Variants in SLC4A5 observed in about 807,000 individuals in gnomAD.
SLC4A5 encodes the protein electrogenic sodium bicarbonate cotransporter 4.
Under a neutral mutation model 120.4 loss-of-function variants are expected in SLC4A5, and 96 were observed. That is an observed-to-expected ratio of 0.80 (90% CI 0.68 to 0.94). SLC4A5 has a LOEUF of 0.94. Among genes scored for constraint, SLC4A5 ranks in the 40% least tolerant of loss-of-function variants. The pLI, the probability that SLC4A5 is intolerant of heterozygous loss-of-function variation, is 0.00. For synonymous variants in SLC4A5, 550 were observed against 571.1 expected, an observed-to-expected ratio of 0.96 and a Z score of 0.53; for missense variants, 1,259 against 1,459.5, an observed-to-expected ratio of 0.86 and a Z score of 2.24.
chr2:74,261,996 AAGTT>A (rs1671151286), intron 11 of SLC4A5, 137 bp downstream of exon 11: 1 of 672,854 alleles, frequency 1.5e-6, no homozygotes, highest in Non-Finnish European at 2.5e-6. Context: ...TTTAGAGTGA[AAGTT>A]AGGCTCCTCC....
chr2:74,217,464 T>C (rs1694481966), exon 31 of SLC4A5: 1 of 152,216 alleles, frequency 6.6e-6, no homozygotes, highest in Non-Finnish European at 1.5e-5. Flanking sequence ...ATTGCAAAGT[T>C]GTAATGTAAA....
chr2:74,279,506 G>C (rs1671744541), intron 8 of SLC4A5, among the ~76,000 whole-genome samples: 1 of 152,010 alleles, frequency 6.6e-6, no homozygotes, highest in African/African-American at 2.4e-5. Flanking sequence ...GTTCCTAGGG[G>C]CTCTGTTCTG....
intron 28 of SLC4A5, among the ~76,000 whole-genome samples, chr2:74,224,523 C>T (rs1268068472): frequency 6.6e-6 from 1 of 152,206 alleles, no homozygotes; most frequent in Non-Finnish European, 1.5e-5. Flanking sequence ...GGAGCTGCCT[C>T]CTGGCCCTTC....
intron 5 of SLC4A5, among the ~76,000 whole-genome samples, chr2:74,319,697 A>T (rs13425830): frequency 2.0e-5 from 3 of 151,904 alleles, no homozygotes; most frequent in Non-Finnish European, 4.4e-5. Context: ...CCATTCACTG[A>T]TTGAACATCC....
chr2:74,293,647 G>A (rs1396718750), intron 7 of SLC4A5, among the ~76,000 whole-genome samples: 3 of 152,196 alleles, frequency 2.0e-5, no homozygotes, highest in Admixed American at 1.3e-4. Flanking sequence ...AAGGCACTGC[G>A]CTCACCCACT....
At chr2:74,225,910 C>G (rs1694826601) in intron 27 of SLC4A5, among the ~76,000 whole-genome samples, 1 of 152,210 alleles carries the variant, frequency 6.6e-6, no homozygotes, top group Non-Finnish European at 1.5e-5. Context: ...ATTTTCTCAT[C>G]TGTAAAGCGG....
At chr2:74,280,372 C>T (rs1352342156) in intron 8 of SLC4A5, among the ~76,000 whole-genome samples, 1 of 152,154 alleles carries the variant, frequency 6.6e-6, no homozygotes, top group African/African-American at 2.4e-5. Flanking sequence ...GCCCCCATTA[C>T]CAAATGCCCC....
intron 6 of SLC4A5, among the ~76,000 whole-genome samples, chr2:74,313,600 T>G (rs1672874775): frequency 6.6e-6 from 1 of 152,212 alleles, no homozygotes; most frequent in African/African-American, 2.4e-5. Flanking sequence ...GTGGAGATTC[T>G]TATGAAGTAT....
chr2:74,276,372 GGAAT>G (rs1296203380), intron 8 of SLC4A5, among the ~76,000 whole-genome samples: 2 of 152,090 alleles, frequency 1.3e-5, no homozygotes, highest in Non-Finnish European at 2.9e-5. Flanking sequence ...AACTATTTTT[GGAAT>G]GAAAGAAGAA....
At chr2:74,318,598 A>G (rs147768933) in intron 5 of SLC4A5, among the ~76,000 whole-genome samples, 86 of 152,184 alleles carry the variant, frequency 5.7e-4, no homozygotes, top group Non-Finnish European at 1.0e-3. Context: ...AGGCACAAGA[A>G]TCACTTGAAC....
intron 19 of SLC4A5, among the ~76,000 whole-genome samples, chr2:74,242,269 A>G (rs1439403828): frequency 2.0e-5 from 3 of 152,234 alleles, no homozygotes; most frequent in Non-Finnish European, 4.4e-5. Flanking sequence ...CTGGGCCAGG[A>G]CAGCACCTGC....
intron 7 of SLC4A5, among the ~76,000 whole-genome samples, chr2:74,288,680 T>C (rs1672062444): frequency 1.3e-5 from 2 of 152,348 alleles, no homozygotes; most frequent in African/African-American, 2.4e-5. Context: ...ACGTTATTTG[T>C]GGTGTCATTT....
At chr2:74,288,497 A>G (rs114718744) in intron 7 of SLC4A5, among the ~76,000 whole-genome samples, 2,203 of 152,260 alleles carry the variant, frequency 0.014, 26 homozygotes, top group Non-Finnish European at 0.022. Context: ...CTGAAATGTG[A>G]CTTATGGCTC....
intron 7 of SLC4A5, chr2:74,290,711 G>A (rs1347463853): frequency 1.0e-6 from 1 of 985,390 alleles, no homozygotes; most frequent in African/African-American, 1.8e-5. Context: ...GCACTAGAGA[G>A]AGAAAGGCTC....
intron 4 of SLC4A5, among the ~76,000 whole-genome samples, chr2:74,333,591 G>A (rs897783185): frequency 3.3e-5 from 5 of 152,198 alleles, no homozygotes; most frequent in African/African-American, 9.7e-5. Flanking sequence ...GATGATTTAA[G>A]ATAAACAGAG....
chr2:74,330,966 ATGG>A (rs2104341004), intron 4 of SLC4A5, among the ~76,000 whole-genome samples: 3 of 146,182 alleles, frequency 2.1e-5, no homozygotes, highest in African/African-American at 2.5e-5. Context: ...TGAGGTGTAG[ATGG>A]TGGTGGTGAG....
chr2:74,340,210 G>T (rs1336691418), intron 2 of SLC4A5, among the ~76,000 whole-genome samples: 1 of 152,154 alleles, frequency 6.6e-6, no homozygotes, highest in African/African-American at 2.4e-5. Flanking sequence ...TGCTTATTTT[G>T]CCATAAAAGG....
intron 7 of SLC4A5, among the ~76,000 whole-genome samples, chr2:74,297,230 G>T (rs891191128): frequency 6.6e-6 from 1 of 152,190 alleles, no homozygotes; most frequent in Non-Finnish European, 1.5e-5. Context: ...GGGTTAATGT[G>T]TATAAAGTGA....
intron 7 of SLC4A5, among the ~76,000 whole-genome samples, chr2:74,300,507 T>A (rs1161134475): frequency 1.3e-5 from 2 of 152,202 alleles, no homozygotes; most frequent in Admixed American, 1.3e-4. Flanking sequence ...ATGTATGAAT[T>A]TCCTTTTCCT....
Sources: allele counts gnomAD v4.1 joint callset (sites outside exome capture counted in the v4.1 genomes callset), GRCh38; gene constraint gnomAD v4.1.1; transcripts MANE v1.5; gene names NCBI Gene and HGNC (gene_info 2026-07-23, HGNC 2026-07-21).